Variants in ROR1 observed in about 807,000 individuals in gnomAD.
ROR1 encodes inactive tyrosine-protein kinase transmembrane receptor ROR1.
Under a neutral mutation model 78.8 loss-of-function variants are expected in ROR1, and 19 were observed. The observed-to-expected ratio is 0.24, with a 90% CI of 0.17 to 0.35. The LOEUF (loss-of-function observed/expected upper bound fraction) is 0.35, where lower values mean the gene tolerates loss of function less well. ROR1 is among the 10% of genes least tolerant of loss of function. ROR1 has a pLI of 1.00. For synonymous variants in ROR1, 386 were observed against 433.6 expected, an observed-to-expected ratio of 0.89 and a Z score of 1.36; for missense variants, 917 against 1,177.8, an observed-to-expected ratio of 0.78 and a Z score of 3.24.
intron 1 of ROR1, among the ~76,000 whole-genome samples, chr1:63,912,761 C>G (rs1424075665): frequency 6.6e-6 from 1 of 152,174 alleles, no homozygotes; most frequent in African/African-American, 2.4e-5. Context: ...CTGTTCTCAT[C>G]TGATACTTGT....
chr1:64,110,792 G>A (rs990420506), intron 4 of ROR1: 4 of 151,984 alleles, frequency 2.6e-5, no homozygotes, highest in African/African-American at 9.7e-5. Flanking sequence ...GTGCTGGAGG[G>A]GCTGAGAGTA....
At chr1:64,132,736 C>T (rs573100697) in intron 4 of ROR1, among the ~76,000 whole-genome samples, 13 of 121,624 alleles carry the variant, frequency 1.1e-4, no homozygotes, top group African/African-American at 3.4e-4. Flanking sequence ...CTCCAGCCTG[C>T]GCAATGGGAG....
intron 1 of ROR1, among the ~76,000 whole-genome samples, chr1:63,897,878 C>G (rs528186017): frequency 6.6e-6 from 1 of 152,220 alleles, no homozygotes; most frequent in African/African-American, 2.4e-5. Flanking sequence ...AATGACCCTG[C>G]TCCATACAGT....
intron 4 of ROR1, among the ~76,000 whole-genome samples, chr1:64,095,694 C>T (rs1647279270): frequency 6.6e-6 from 1 of 152,036 alleles, no homozygotes; most frequent in Admixed American, 6.6e-5. Context: ...AAAGCTTACC[C>T]CAAAAATATC....
chr1:64,034,945 A>G (rs934751684), intron 2 of ROR1, among the ~76,000 whole-genome samples: 7 of 152,160 alleles, frequency 4.6e-5, no homozygotes, highest in African/African-American at 1.7e-4. Context: ...GACTCTCCCT[A>G]ATAGCTTGAC....
At chr1:63,883,280 A>C (rs1281920654) in intron 1 of ROR1, among the ~76,000 whole-genome samples, 1 of 152,128 alleles carries the variant, frequency 6.6e-6, no homozygotes, top group Non-Finnish European at 1.5e-5. Flanking sequence ...GAAAAAGAAC[A>C]TCTATAAATT....
chr1:64,125,293 G>A (rs1648673522), intron 4 of ROR1, among the ~76,000 whole-genome samples: 1 of 152,188 alleles, frequency 6.6e-6, no homozygotes, highest in African/African-American at 2.4e-5. Flanking sequence ...AAGCCTGCCA[G>A]GAGATTAATT....
rs546879143 is a variant in ROR1, at chr1:63,966,411, C to T, written c.92-42894C>T. Among the ~76,000 whole-genome samples the T allele has an allele frequency of 7.2e-5, 11 of 152,248 alleles. No homozygotes were observed. The South Asian group carries it at 2.1e-3, about 29-fold the overall frequency. ...ATGAGAACCATTCATTGTAGATGGA[C>T]GCTTTTGAGTTTTGTACAGAGATAA... On this transcript the variant is annotated intron_variant, in intron 1 of 8. Coordinates refer to ENST00000371079, the MANE Select transcript of ROR1 (RefSeq NM_005012.4).
intron 1 of ROR1, among the ~76,000 whole-genome samples, chr1:63,791,319 A>C (rs1346371010): frequency 1.3e-5 from 2 of 152,180 alleles, no homozygotes; most frequent in South Asian, 4.1e-4. Context: ...TGCTGGAGAC[A>C]GAATCAGGAA....
intron 1 of ROR1, among the ~76,000 whole-genome samples, chr1:63,795,089 C>T (rs1464314258): frequency 3.3e-5 from 5 of 152,150 alleles, no homozygotes; most frequent in African/African-American, 1.2e-4. Flanking sequence ...GGGAAGCGGA[C>T]TTTGTGGTTG....
At position 64,178,485 on chromosome 1, in the gene ROR1, G is replaced by A. The variant is rs201257776; in HGVS notation, c.2444G>A (p.Arg815Gln). ...GGCCCGCCAATACCTCAGAACCAGCGATTCATTCCCATCAATGGATACCCA... is the reference window on the plus strand; with the variant it reads ...GGCCCGCCAATACCTCAGAACCAGCAATTCATTCCCATCAATGGATACCCA... ...FIGPPIPQNQ[R>Q]FIPINGYPIP... The change falls in exon 9 of 9, where the codon CGA (arginine) becomes CAA (glutamine). Residue 815 changes from arginine (R) to glutamine (Q), a missense_variant. Arg to Gln is a conservative substitution (Grantham distance 43). Coordinates refer to ENST00000371079, the MANE Select transcript of ROR1 (RefSeq NM_005012.4). The surrounding 1 kb of genome is among the most constrained non-coding windows in gnomAD (Gnocchi z 4.3). The A allele has an allele frequency of 7.4e-6, 12 of 1,614,162 alleles. No homozygotes were observed. Among genetic ancestry groups the A allele is most frequent in the Admixed American group, 1.7e-5 (1 of 60,030 alleles).
chr1:63,931,308 C>A (rs558043813), intron 1 of ROR1, among the ~76,000 whole-genome samples: 4 of 152,162 alleles, frequency 2.6e-5, no homozygotes, highest in South Asian at 4.2e-4. Context: ...TAAAGTAAAT[C>A]ACAGACAATA....
intron 1 of ROR1, among the ~76,000 whole-genome samples, chr1:63,964,885 C>T (rs1646060817): frequency 6.6e-6 from 1 of 152,196 alleles, no homozygotes; most frequent in Non-Finnish European, 1.5e-5. Flanking sequence ...TTTTTGAGAA[C>T]TGAGGATGAG....
chr1:64,133,530 A>G (rs546146881), intron 4 of ROR1, among the ~76,000 whole-genome samples: 2 of 152,270 alleles, frequency 1.3e-5, no homozygotes, highest in African/African-American at 4.8e-5. Flanking sequence ...GCGTTTCCCA[A>G]TCCCATGGCA....
chr1:63,774,310 G>T lies in ROR1; in HGVS notation c.-108G>T. ...GCTTTGCAGACGTCCCCGGCGTCCT[G>T]CGAGCGCCAGCGGCCGGGACGAGGC... On this transcript the variant is annotated 5_prime_UTR_variant, in exon 1 of 9. Coordinates refer to ENST00000371079, the MANE Select transcript of ROR1 (RefSeq NM_005012.4). The surrounding 1 kb of genome is among the most constrained non-coding windows in gnomAD (Gnocchi z 5.7). The T allele has an allele frequency of 1.6e-6, 1 of 609,854 alleles. No individual in the cohort carries two copies. Among genetic ancestry groups the T allele is most frequent in the Non-Finnish European group, 2.4e-6 (1 of 409,038 alleles). 37.8% of individuals were successfully genotyped at this position (609,854 alleles called of 1,614,324 possible).
rs77668083 is a variant in ROR1 at position 64,101,438 on chromosome 1, C to A, written c.483-35931C>A. 1.7e-3 allele frequency among the ~76,000 whole-genome samples: 256 copies of A among 152,100 alleles called. 1 individual carries two copies. The highest frequency in any genetic ancestry group is 2.6e-3 in the Non-Finnish European group (176 of 67,978). On this transcript the variant is annotated intron_variant, in intron 4 of 8. Transcript: ENST00000371079. ...GGGATTAACTAATGCACTAAATAAC[C>A]CATCATGCGTGGTGGGTTGGGGAGG...
intron 4 of ROR1, among the ~76,000 whole-genome samples, chr1:64,088,851 C>T (rs966802390): frequency 1.2e-4 from 18 of 152,260 alleles, no homozygotes; most frequent in African/African-American, 3.4e-4. Context: ...GAAAGCAATA[C>T]AGACTGCAGA....
At chr1:63,804,686 A>G (rs1222304373) in intron 1 of ROR1, among the ~76,000 whole-genome samples, 2 of 152,220 alleles carry the variant, frequency 1.3e-5, no homozygotes, top group East Asian at 3.9e-4. Flanking sequence ...TAGGTTTGTT[A>G]CATAGGTATA....
intron 2 of ROR1, among the ~76,000 whole-genome samples, chr1:64,042,510 C>T (rs2100583292): frequency 6.6e-6 from 1 of 152,288 alleles, no homozygotes; most frequent in African/African-American, 2.4e-5. Flanking sequence ...ATAAGCAGTG[C>T]CTCCAGTGAG....
Sources: allele counts gnomAD v4.1 joint callset (sites outside exome capture counted in the v4.1 genomes callset), GRCh38; gene constraint gnomAD v4.1.1; non-coding constraint Gnocchi (gnomAD v3.1); transcripts MANE v1.5; gene names NCBI Gene and HGNC (gene_info 2026-07-23, HGNC 2026-07-21).